FAM114A2: variants seen among roughly 807,000 people sequenced by gnomAD.
FAM114A2 encodes family with sequence similarity 114 member A2, also known as protein FAM114A2.
In FAM114A2, 53 loss-of-function variants were observed where a neutral mutation model predicts 58.4. That is an observed-to-expected ratio of 0.91 (90% confidence interval 0.73 to 1.14). The LOEUF (loss-of-function observed/expected upper bound fraction) is 1.14. FAM114A2 is among the 50% of genes most tolerant of loss of function. FAM114A2 has a pLI of 0.00. For missense variants in FAM114A2, 601 were observed against 581.1 expected, an observed-to-expected ratio of 1.03 and a Z score of -0.35; for synonymous variants, 228 against 211.4, an observed-to-expected ratio of 1.08 and a Z score of -0.68.
chr5:153,997,804 C>T lies in FAM114A2; in HGVS notation c.1328G>A (p.Gly443Glu), dbSNP rs146980921. Residue 443 changes from glycine to glutamate, a missense_variant and splice_region_variant, in exon 12 of 14, where the codon GGG becomes GAG. Transcript: ENST00000351797. ...GCAGTAAGAGGCATGGATTCTTACC[C>T]CAGCAGTTGTTAGGCAGGTAGTGAA... The part of the protein sequence containing the change: ...KEFTTCLTTA[G>E]VKEMADVLNP... 1.0e-5 allele frequency: 16 copies of T among 1,553,774 alleles called. No homozygotes were observed. The African/African-American group carries it at 1.9e-4, about 18-fold the overall frequency.
chr5:154,032,553 T>C (rs1772271031), intron 4 of FAM114A2, among the ~76,000 whole-genome samples: 2 of 152,174 alleles, frequency 1.3e-5, no homozygotes, highest in South Asian at 4.1e-4. Context: ...TCTCAGCATC[T>C]CTTGCTGCTA....
chr5:154,035,667 G>A (rs1772508304), intron 1 of FAM114A2, among the ~76,000 whole-genome samples: 3 of 152,130 alleles, frequency 2.0e-5, no homozygotes, highest in African/African-American at 7.2e-5. Flanking sequence ...AGGTTTTTGG[G>A]GGAACATAAG....
Position 154,034,726 on chromosome 5 carries a change from T to C in FAM114A2, c.210+18A>G, listed in dbSNP as rs1772430177. The C allele has an allele frequency of 2.6e-6, 4 of 1,561,094 alleles. No homozygotes were observed. Among genetic ancestry groups the C allele is most frequent in the Non-Finnish European group, 2.6e-6 (3 of 1,132,536 alleles). On this transcript the variant is annotated intron_variant, in intron 2 of 13. Coordinates refer to ENST00000351797, the MANE Select transcript of FAM114A2 (RefSeq NM_018691.4). ...AATATTTTAATAGATACCCTACTTT[T>C]TCTGTGGTCTGTGATACCTGAATAG... is the stretch of plus-strand genomic sequence containing the variant.
At position 154,034,294 on chromosome 5, in the gene FAM114A2, A is replaced by C. The variant is rs542472948; in HGVS notation, c.294T>G (p.Ala98=). ...TGATCTTACCTACTGTAGCTACTGT[A>C]GCCGAGGCTGAGGAGAGTATGGACT... ...WGKSILSSAS[A]TVATVGQGIS... is the part of the protein sequence containing the mutation. The change falls in exon 3 of 14, where the codon GCT becomes GCG. Residue 98 remains alanine, a synonymous_variant. Coordinates refer to ENST00000351797, the MANE Select transcript of FAM114A2 (RefSeq NM_018691.4). The C allele has an allele frequency of 1.3e-6, 2 of 1,588,414 alleles. No individual in the cohort carries two copies. The highest frequency in any genetic ancestry group is 4.5e-5 in the East Asian group (2 of 44,176).
At chr5:154,037,192 T>C (rs1772623289) in intron 1 of FAM114A2, 2 of 152,218 alleles carry the variant, frequency 1.3e-5, no homozygotes, top group South Asian at 2.1e-4. Context: ...GTATGGAACA[T>C]GGACAGTTAC....
Position 153,995,034 on chromosome 5 carries a change from G to T in FAM114A2, c.1330-62C>A. ...GGTTAAATAACAGTAAGTGGAGTAC[G>T]ATCACACTTTAAAACACACACACAC... On this transcript the variant is annotated intron_variant, in intron 12 of 13. Transcript: ENST00000351797. 2.9e-6 allele frequency: 3 copies of T among 1,043,994 alleles called. No homozygotes were observed. In the South Asian group the frequency reaches 3.8e-5, roughly 13 times the overall value. 64.7% of individuals were successfully genotyped at this position (1,043,994 alleles called of 1,614,324 possible).
chr5:153,997,552 A>AG (rs2113188069), intron 12 of FAM114A2, among the ~76,000 whole-genome samples: 3 of 152,294 alleles, frequency 2.0e-5, no homozygotes, highest in East Asian at 3.9e-4. Context: ...ATCTATAGAG[A>AG]AAGAAAGCAG....
At chr5:154,013,297 T>C (rs543174872) in intron 8 of FAM114A2, among the ~76,000 whole-genome samples, 3 of 152,302 alleles carry the variant, frequency 2.0e-5, no homozygotes, top group Non-Finnish European at 2.9e-5. Context: ...CAGGTACATA[T>C]GGTAGAGGGG....
chr5:154,012,320 A>T (rs1449478529), intron 8 of FAM114A2, among the ~76,000 whole-genome samples: 5 of 152,182 alleles, frequency 3.3e-5, no homozygotes, highest in African/African-American at 9.7e-5. Context: ...GTGACTCAAG[A>T]TCAAAAAGCA....
Position 153,991,326 on chromosome 5 carries a change from C to G in FAM114A2, c.*1650G>C, listed in dbSNP as rs899326938. ...GCCATTGTACAAGAGGCTGAACAGA[C>G]AGTAGGCAGAGTGACCAGTTTCTAA... On this transcript the variant is annotated 3_prime_UTR_variant, in exon 14 of 14. Transcript: ENST00000351797. 1.3e-5 allele frequency: 2 copies of G among 152,178 alleles called. No homozygotes were observed. The highest frequency in any genetic ancestry group is 1.9e-4 in the East Asian group (1 of 5,196). The allele number at this position is 152,178 out of a possible 1,614,324, so 9.4% of individuals were successfully genotyped here. A position where few individuals can be genotyped will look rare whatever the true frequency, so the allele number is the denominator to read the frequency against.
intron 1 of FAM114A2, 127 bp from the exon 2 acceptor site, chr5:154,035,094 T>C (rs1772463772): frequency 4.9e-6 from 3 of 607,230 alleles, no homozygotes; most frequent in East Asian, 5.6e-5. Context: ...AGAGATCCCA[T>C]ATACCTTCAT....
chr5:154,026,763 C>A (rs1771805220), intron 7 of FAM114A2, among the ~76,000 whole-genome samples: 1 of 151,420 alleles, frequency 6.6e-6, no homozygotes, highest in East Asian at 2.0e-4. Context: ...TGTTTAGCAA[C>A]AGCTTAGAAA....
intron 1 of FAM114A2, chr5:154,037,168 C>T (rs897027929): frequency 6.6e-6 from 1 of 152,116 alleles, no homozygotes; most frequent in Non-Finnish European, 1.5e-5. Context: ...CAGCCAAAGG[C>T]CTGAGGTCTG....
At chr5:154,022,085 A>G (rs1172665010) in intron 8 of FAM114A2, among the ~76,000 whole-genome samples, 1 of 152,222 alleles carries the variant, frequency 6.6e-6, no homozygotes, top group African/African-American at 2.4e-5. Flanking sequence ...AAAACTGGCT[A>G]GCCATATGGA....
At chr5:154,012,682 T>C (rs925396390) in intron 8 of FAM114A2, among the ~76,000 whole-genome samples, 4 of 152,138 alleles carry the variant, frequency 2.6e-5, no homozygotes, top group African/African-American at 4.8e-5. Flanking sequence ...TCAGGTATAA[T>C]AAGGTTTGGG....
At chr5:153,997,951 G>A (rs888868077) in intron 11 of FAM114A2, 76 bp from the exon 12 acceptor site, 1 of 898,710 alleles carries the variant, frequency 1.1e-6, no homozygotes, top group Non-Finnish European at 1.8e-6. Context: ...ATTGTCAGAA[G>A]AGAACAAATC....
chr5:154,014,771 C>T (rs908515338), intron 8 of FAM114A2, among the ~76,000 whole-genome samples: 10 of 152,070 alleles, frequency 6.6e-5, no homozygotes, highest in African/African-American at 2.2e-4. Flanking sequence ...TTGAACTTCG[C>T]AACAATTTGA....
rs1219891567 is a variant in FAM114A2 at position 153,992,985 on chromosome 5, T to TA, written c.1508dup (p.Leu503PhefsTer15). ...AAAACGTCTCCATTCTTCAATGTTC[T>TA]AACAAAGGTTTCTGGCCCTGCAGCT... On this transcript the variant is annotated frameshift_variant, in exon 14 of 14. Transcript: ENST00000351797. LOFTEE classifies it high-confidence loss of function. The TA allele has an allele frequency of 6.2e-7, 1 of 1,611,364 alleles. No individual in the cohort carries two copies. The highest frequency in any genetic ancestry group is 2.2e-5 in the East Asian group (1 of 44,826).
intron 11 of FAM114A2, among the ~76,000 whole-genome samples, chr5:154,002,040 C>T (rs1211365693): frequency 1.3e-5 from 2 of 152,054 alleles, no homozygotes; most frequent in Non-Finnish European, 2.9e-5. Context: ...GTCTTCAGAG[C>T]ATGAGTTGGT....
Sources: gnomAD v4.1 joint callset for allele counts (sites outside exome capture counted in the v4.1 genomes callset) on GRCh38, gnomAD v4.1.1 for gene constraint, MANE v1.5 for transcripts, NCBI Gene and HGNC (gene_info 2026-07-23, HGNC 2026-07-21) for gene names.